Variants in ANK3 observed in about 807,000 individuals in gnomAD.
ANK3 encodes ankyrin-3.
A neutral mutation model predicts 370.9 loss-of-function variants in ANK3; 57 were observed. That is an observed-to-expected ratio of 0.15 (90% confidence interval 0.12 to 0.19). ANK3 has a LOEUF of 0.19. Ranked by LOEUF, ANK3 falls within the 10% of genes least tolerant of loss-of-function variation. The pLI is 1.00. For synonymous variants in ANK3, 1,929 were observed against 1,946.3 expected, an observed-to-expected ratio of 0.99 and a Z score of 0.23; for missense variants, 4,439 against 5,302.1, an observed-to-expected ratio of 0.84 and a Z score of 5.06.
chr10:60,725,427 C>A (rs2079928036), intron 1 of ANK3, among the ~76,000 whole-genome samples: 1 of 152,158 alleles, frequency 6.6e-6, no homozygotes, highest in Non-Finnish European at 1.5e-5. Flanking sequence ...TGCTGGGTCA[C>A]AGAGTAGATA....
intron 23 of ANK3, among the ~76,000 whole-genome samples, chr10:60,154,557 G>T (rs1047814159): frequency 6.6e-6 from 1 of 152,202 alleles, no homozygotes; most frequent in African/African-American, 2.4e-5. Flanking sequence ...ACTTTGGGAG[G>T]CTGGGGCAGG....
rs773184956 is a variant in ANK3, at chr10:60,049,315, G to A, written c.13065+6343C>T. Among the ~76,000 whole-genome samples, 7 of 152,278 alleles carry A rather than the reference G, an allele frequency of 4.6e-5. No individual in the cohort carries two copies. The South Asian group carries it at 6.2e-4, about 14-fold the overall frequency. On this transcript the variant is annotated intron_variant, in intron 42 of 43. Coordinates refer to ENST00000280772, the MANE Select transcript of ANK3 (RefSeq NM_020987.5). ...ACTTCAAGAAGTAATGGGTCTGGGC[G>A]CAGTGGCTCACGCCTGTAATCCCAG...
chr10:60,470,230 C>G (rs2065183273), intron 2 of ANK3, among the ~76,000 whole-genome samples: 2 of 151,984 alleles, frequency 1.3e-5, no homozygotes, highest in Non-Finnish European at 2.9e-5. Context: ...TTTTACAGCT[C>G]TTTGTTGTTA....
intron 1 of ANK3, among the ~76,000 whole-genome samples, chr10:60,372,587 C>T (rs1388095867): frequency 6.6e-6 from 1 of 152,134 alleles, no homozygotes; most frequent in African/African-American, 2.4e-5. Context: ...GCAATGGGGG[C>T]TATGTTCAGA....
At chr10:60,240,288 A>G (rs1311701710) in intron 7 of ANK3, among the ~76,000 whole-genome samples, 1 of 98,842 alleles carries the variant, frequency 1.0e-5, no homozygotes, top group East Asian at 3.1e-4. Flanking sequence ...ACACATATAT[A>G]TATATATATA....
At chr10:60,350,910 A>C (rs140590249) in intron 1 of ANK3, among the ~76,000 whole-genome samples, 4,203 of 152,224 alleles carry the variant, frequency 0.028, 85 homozygotes, top group South Asian at 0.078. Context: ...GCTGTGTTCC[A>C]GGAAGAATAA....
intron 11 of ANK3, among the ~76,000 whole-genome samples, chr10:60,205,142 T>C (rs2096741915): frequency 6.6e-6 from 1 of 152,196 alleles, no homozygotes; most frequent in African/African-American, 2.4e-5. Context: ...CTGATTCTGA[T>C]GGATCATTTC....
intron 2 of ANK3, among the ~76,000 whole-genome samples, chr10:60,421,228 A>G (rs889402286): frequency 6.6e-6 from 1 of 152,214 alleles, no homozygotes; most frequent in South Asian, 2.1e-4. Flanking sequence ...TTGGGGTGAT[A>G]AAAGAATTTT....
At chr10:60,705,862 C>T (rs2079609493) in intron 1 of ANK3, among the ~76,000 whole-genome samples, 1 of 129,862 alleles carries the variant, frequency 7.7e-6, no homozygotes, top group East Asian at 2.4e-4. Context: ...GTTTCACTGT[C>T]ACCTCCATTG....
chr10:60,264,023 G>A lies in ANK3; in HGVS notation c.514-3C>T, dbSNP rs144841334. The A allele has an allele frequency of 9.6e-4, 1,555 of 1,613,066 alleles. 22 individuals carry two copies. The highest frequency in any genetic ancestry group is 9.6e-3 in the East Asian group (430 of 44,840). On this transcript the variant is annotated splice_polypyrimidine_tract_variant and splice_region_variant and intron_variant, in intron 5 of 43. Coordinates refer to ENST00000280772, the MANE Select transcript of ANK3 (RefSeq NM_020987.5). Reference sequence around the variant, plus strand: ...ACTGCCAATGGTGTGAAGCCATCCTGCAAATAAATGGATGGGTCAAGATGG... The same window carrying A: ...ACTGCCAATGGTGTGAAGCCATCCTACAAATAAATGGATGGGTCAAGATGG...
At chr10:60,583,632 A>G (rs7924073) in intron 2 of ANK3, among the ~76,000 whole-genome samples, 70,334 of 149,410 alleles carry the variant, frequency 0.47, 17,044 homozygotes, top group Middle Eastern at 0.52. Flanking sequence ...TCTGTCACCC[A>G]GGTTGCAGTG....
chr10:60,346,640 A>T (rs1254884602), intron 1 of ANK3, among the ~76,000 whole-genome samples: 1 of 152,072 alleles, frequency 6.6e-6, no homozygotes, highest in African/African-American at 2.4e-5. Flanking sequence ...GGGGCAATTC[A>T]GCAATTACTG....
At chr10:60,586,716 A>G (rs2077836956) in intron 2 of ANK3, among the ~76,000 whole-genome samples, 2 of 152,204 alleles carry the variant, frequency 1.3e-5, no homozygotes. Flanking sequence ...CACATTTAGT[A>G]CCATGTTGCT....
At chr10:60,388,119 G>C (rs546006247) in intron 1 of ANK3, among the ~76,000 whole-genome samples, 12 of 151,982 alleles carry the variant, frequency 7.9e-5, no homozygotes, top group Non-Finnish European at 1.3e-4. Flanking sequence ...GCTGTGCAAG[G>C]CTTTGAAATA....
intron 42 of ANK3, among the ~76,000 whole-genome samples, chr10:60,052,833 G>GT (rs1489151875): frequency 1.4e-5 from 2 of 141,742 alleles, no homozygotes; most frequent in East Asian, 3.3e-4. Flanking sequence ...TCCAGTATTT[G>GT]TTTAAAAAAA....
chr10:60,163,947 ATGGCTTCATGGAAATGAACATT>A (rs2095559094), intron 23 of ANK3, among the ~76,000 whole-genome samples: 1 of 152,186 alleles, frequency 6.6e-6, no homozygotes, highest in African/African-American at 2.4e-5. Flanking sequence ...CAACATGCCT[ATGGCTTCATGGAAATGAACATT>A]TGCCACAGCT....
chr10:60,611,322 G>A (rs543893495), intron 2 of ANK3, among the ~76,000 whole-genome samples: 30 of 152,240 alleles, frequency 2.0e-4, no homozygotes, highest in Admixed American at 7.8e-4. Context: ...CTGGCCGCCC[G>A]CTGGCTCAGT....
intron 2 of ANK3, chr10:60,572,533 C>G (rs1490641032): frequency 6.5e-7 from 1 of 1,535,190 alleles, no homozygotes; most frequent in Non-Finnish European, 8.7e-7. Context: ...CTCATCTTTC[C>G]TTTAAATCAG....
chr10:60,114,326 T>C lies in ANK3; in HGVS notation c.2847A>G (p.Leu949=). ...ELLVPSKEQH[L]TFTREFDSDS... ...CTGAATCAAATTCCCTTGTGAATGTTAGATGCTGAAAAATAAAATGGTAAA... is the reference window on the plus strand; with the variant it reads ...CTGAATCAAATTCCCTTGTGAATGTCAGATGCTGAAAAATAAAATGGTAAA... The change falls in exon 26 of 44, where the codon CTA becomes CTG. Residue 949 remains leucine (L), a synonymous_variant. Coordinates refer to ENST00000280772, the MANE Select transcript of ANK3 (RefSeq NM_020987.5). 1 of 1,584,620 alleles carries C rather than the reference T, an allele frequency of 6.3e-7. No individual in the cohort carries two copies.
Sources: gnomAD v4.1 joint callset for allele counts (sites outside exome capture counted in the v4.1 genomes callset) on GRCh38, gnomAD v4.1.1 for gene constraint, MANE v1.5 for transcripts, NCBI Gene and HGNC (gene_info 2026-07-23, HGNC 2026-07-21) for gene names.